The following ATP11B variants were observed in gnomAD, a reference collection of about 807,000 sequenced individuals.
ATP11B encodes phospholipid-transporting ATPase IF.
ATP11B carries 81 observed loss-of-function variants against 157.8 expected under a neutral mutation model. The observed-to-expected ratio is 0.51, with a 90% CI of 0.43 to 0.62. The LOEUF (loss-of-function observed/expected upper bound fraction) is 0.62, where lower values mean the gene tolerates loss of function less well. Ranked by LOEUF, ATP11B falls within the 20% of genes least tolerant of loss-of-function variation. The pLI is 0.00. For synonymous variants in ATP11B, 451 were observed against 469.4 expected (o/e 0.96, Z 0.51); for missense variants, 1,165 against 1,402.2 (o/e 0.83, Z 2.70).
intron 27 of ATP11B, among the ~76,000 whole-genome samples, chr3:182,897,822 T>C (rs1723661707): frequency 6.6e-6 from 1 of 152,088 alleles, no homozygotes. Flanking sequence ...ATATTAATCA[T>C]TAACTTTTCT....
At chr3:182,894,877 G>A (rs139221371) in intron 25 of ATP11B, among the ~76,000 whole-genome samples, 221 of 152,012 alleles carry the variant, frequency 1.5e-3, no homozygotes, top group African/African-American at 4.9e-3. Flanking sequence ...TAGCATGTTG[G>A]GAGGCCAAAG....
intron 19 of ATP11B, among the ~76,000 whole-genome samples, chr3:182,878,353 GTC>G (rs1194956391): frequency 6.6e-6 from 1 of 152,176 alleles, no homozygotes; most frequent in African/African-American, 2.4e-5. Context: ...TCTCAGCAGA[GTC>G]TGATATTCTG....
In ATP11B at chr3:182,896,648, A is replaced by G. The variant is rs544484400; in HGVS notation, c.2983-52A>G. On this transcript the variant is annotated intron_variant, in intron 25 of 29. Coordinates refer to ENST00000323116, the MANE Select transcript of ATP11B (RefSeq NM_014616.3). ...AGAGAATTAAATGACTTTTTACCTG[A>G]CATTTAACATTATGTTAACACGTAA... 6 of 1,447,764 alleles carry G rather than the reference A, an allele frequency of 4.1e-6. No individual in the cohort carries two copies. In the African/African-American group the frequency reaches 5.6e-5, roughly 14 times the overall value. The allele number at this position is 1,447,764 out of a possible 1,614,324, so 89.7% of individuals were successfully genotyped here. A position where few individuals can be genotyped will look rare whatever the true frequency, so the allele number is the denominator to read the frequency against.
At chr3:182,859,971 T>G (rs1720712959) in intron 12 of ATP11B, among the ~76,000 whole-genome samples, 1 of 150,344 alleles carries the variant, frequency 6.7e-6, no homozygotes, top group Non-Finnish European at 1.5e-5. Context: ...TTGGTAGCAA[T>G]GTTTTTGGAG....
chr3:182,837,096 C>A lies in ATP11B; in HGVS notation c.578C>A (p.Ala193Glu). 1 of 1,612,922 alleles carries A rather than the reference C, an allele frequency of 6.2e-7. No homozygotes were observed. Among genetic ancestry groups the A allele is most frequent in the Admixed American group, 1.7e-5 (1 of 59,878 alleles). The change falls in exon 7 of 30, where the codon GCA (alanine) becomes GAA (glutamate). Residue 193 changes from alanine (A) to glutamate (E), a missense_variant. By Grantham distance (107) the Ala-to-Glu change is moderately radical (BLOSUM62 -1). This residue lies in a region of ATP11B where 737 missense variants were observed against 930.5 expected (regional missense o/e 0.79). Coordinates refer to ENST00000323116, the MANE Select transcript of ATP11B (RefSeq NM_014616.3). ...LKTHVAVPETALLQTVANLDT... is the reference protein window; with the variant it reads ...LKTHVAVPETELLQTVANLDT... Reference sequence around the variant, plus strand: ...ACACATGTGGCAGTTCCAGAAACAGCATTATTACAAACAGTTGCCAATTTG... The same window carrying A: ...ACACATGTGGCAGTTCCAGAAACAGAATTATTACAAACAGTTGCCAATTTG...
At chr3:182,859,124 TA>T (rs1720639507) in intron 11 of ATP11B, 37 bp from the exon 12 acceptor site, 4 of 1,488,936 alleles carry the variant, frequency 2.7e-6, no homozygotes, top group South Asian at 1.2e-5. Context: ...AATTCTAGTT[TA>T]TTTTTTCTTT....
chr3:182,910,514 T>C (rs1456716256), intron 28 of ATP11B, among the ~76,000 whole-genome samples: 1 of 152,046 alleles, frequency 6.6e-6, no homozygotes, highest in Non-Finnish European at 1.5e-5. Flanking sequence ...GAGACTGCAG[T>C]GAGCTAGGAT....
rs1560081876 is a variant in ATP11B, at chr3:182,845,009, T to TTTTTTTTTTTTTTTTTTA, written c.705-443_705-442insTTTTTTTTTTTATTTTTT. On this transcript the variant is annotated intron_variant, in intron 8 of 29. Transcript: ENST00000323116. ...TTTTTTTTTTATTTTTTTTTTTATT[T>TTTTTTTTTTTTTTTTTTA]TTTTTTATTTTTGAGATGGAGTCTC... 1.8e-5 allele frequency among the ~76,000 whole-genome samples: 2 copies of TTTTTTTTTTTTTTTTTTA among 112,090 alleles called. 1 individual carries two copies. Among genetic ancestry groups the TTTTTTTTTTTTTTTTTTA allele is most frequent in the Non-Finnish European group, 3.5e-5 (2 of 57,386 alleles). The allele number at this position is 112,090 out of a possible 152,430, so 73.5% of individuals were successfully genotyped here.
At chr3:182,813,777 G>A (rs1199912544) in intron 1 of ATP11B, among the ~76,000 whole-genome samples, 1 of 151,660 alleles carries the variant, frequency 6.6e-6, no homozygotes, top group Non-Finnish European at 1.5e-5. Context: ...GCCCAGGCTG[G>A]AGTGCAGTGG....
intron 7 of ATP11B, among the ~76,000 whole-genome samples, chr3:182,839,861 C>T (rs1718866739): frequency 6.6e-6 from 1 of 152,198 alleles, no homozygotes; most frequent in African/African-American, 2.4e-5. Context: ...GATCCGCCCA[C>T]TTCAGCCTCC....
At chr3:182,840,833 T>C (rs1453337618) in intron 7 of ATP11B, among the ~76,000 whole-genome samples, 2 of 152,232 alleles carry the variant, frequency 1.3e-5, no homozygotes. Flanking sequence ...GGATTACTGC[T>C]ATTTTATAGT....
intron 1 of ATP11B, among the ~76,000 whole-genome samples, chr3:182,812,611 G>A (rs1716739744): frequency 6.6e-6 from 1 of 151,994 alleles, no homozygotes; most frequent in South Asian, 2.1e-4. Context: ...AGCATATAAG[G>A]GATATTTACT....
chr3:182,800,783 TGA>T, intron 1 of ATP11B, among the ~76,000 whole-genome samples: 2 of 99,620 alleles, frequency 2.0e-5, no homozygotes, highest in Non-Finnish European at 4.2e-5. Flanking sequence ...CAAATTCTTT[TGA>T]TTTTTTTTTT....
intron 1 of ATP11B, among the ~76,000 whole-genome samples, chr3:182,804,531 C>G (rs923344973): frequency 2.0e-5 from 3 of 152,186 alleles, no homozygotes; most frequent in Non-Finnish European, 4.4e-5. Context: ...CCGCACCTGG[C>G]AGGAATTTAG....
rs1294647228 is a variant in ATP11B at position 182,871,700 on chromosome 3, A to G, written c.1867-656A>G. 3.3e-5 allele frequency among the ~76,000 whole-genome samples: 5 copies of G among 152,222 alleles called. No homozygotes were observed. The East Asian group carries it at 5.8e-4, about 18-fold the overall frequency. ...TCTCTCTCTTGACAGTCTTGAAGGT[A>G]TTAAGAACTTTCTGGCTTTCCATGT... On this transcript the variant is annotated intron_variant, in intron 17 of 29. Coordinates refer to ENST00000323116, the MANE Select transcript of ATP11B (RefSeq NM_014616.3).
intron 29 of ATP11B, chr3:182,915,102 G>T (rs1725053395): frequency 1.0e-6 from 1 of 985,270 alleles, no homozygotes. Context: ...TTAGCTTTGT[G>T]TTTTAAAAAA....
intron 1 of ATP11B, 31 bp downstream of exon 1, chr3:182,793,817 G>A: frequency 7.6e-7 from 1 of 1,310,322 alleles, no homozygotes; most frequent in Non-Finnish European, 9.8e-7. Context: ...ACCTCCATTC[G>A]TCCGCCCCCG....
intron 19 of ATP11B, among the ~76,000 whole-genome samples, chr3:182,878,136 C>T (rs931017628): frequency 6.6e-5 from 10 of 152,170 alleles, no homozygotes; most frequent in African/African-American, 2.4e-4. Context: ...GAGAAAAATA[C>T]ATTTTATAAA....
chr3:182,826,141 A>C (rs1451399829), intron 2 of ATP11B, among the ~76,000 whole-genome samples: 1 of 152,192 alleles, frequency 6.6e-6, no homozygotes, highest in South Asian at 2.1e-4. Context: ...CCCTCTCTAT[A>C]CAATAGGACA....
Sources: allele counts gnomAD v4.1 joint callset (sites outside exome capture counted in the v4.1 genomes callset), GRCh38; gene constraint gnomAD v4.1.1; regional missense constraint gnomAD v4.1.1; transcripts MANE v1.5; gene names NCBI Gene and HGNC (gene_info 2026-07-23, HGNC 2026-07-21).